Variants in ENOX1 observed in about 807,000 individuals in gnomAD.
The protein encoded by ENOX1 is candidate growth-related and time keeping constitutive hydroquinone (NADH) oxidase.
In ENOX1, 42 loss-of-function variants were observed where a neutral mutation model predicts 82.5. That is an observed-to-expected ratio of 0.51 (90% CI 0.40 to 0.66). The LOEUF (loss-of-function observed/expected upper bound fraction) is 0.66. Among genes scored for constraint, ENOX1 ranks in the 30% least tolerant of loss-of-function variants. ENOX1 has a pLI of 0.00. For synonymous variants in ENOX1, 271 were observed against 282.2 expected (o/e 0.96, Z 0.40); for missense variants, 608 against 811.6 (o/e 0.75, Z 3.05).
chr13:43,528,877 C>A (rs1307671119), intron 2 of ENOX1, among the ~76,000 whole-genome samples: 1 of 151,910 alleles, frequency 6.6e-6, no homozygotes, highest in Non-Finnish European at 1.5e-5. Flanking sequence ...AAGTGATTGA[C>A]CCACTTAATC....
At chr13:43,351,399 TTTTA>T (rs202101468) in intron 8 of ENOX1, among the ~76,000 whole-genome samples, 17 of 145,006 alleles carry the variant, frequency 1.2e-4, no homozygotes, top group African/African-American at 1.8e-4. Context: ...TTTCTTTTTA[TTTTA>T]TTTATTTATT....
intron 1 of ENOX1, among the ~76,000 whole-genome samples, chr13:43,780,307 G>C (rs1188566866): frequency 6.7e-6 from 1 of 148,964 alleles, no homozygotes; most frequent in Non-Finnish European, 1.5e-5. Context: ...GTATTGAAAG[G>C]TTCCCTGGAC....
intron 12 of ENOX1, among the ~76,000 whole-genome samples, chr13:43,295,228 C>T (rs1303482963): frequency 3.9e-5 from 6 of 152,196 alleles, no homozygotes; most frequent in Non-Finnish European, 7.3e-5. Flanking sequence ...TCAAAAGCCT[C>T]ACTATCCCTG....
chr13:43,582,244 T>C (rs1006717943), intron 2 of ENOX1, among the ~76,000 whole-genome samples: 1 of 151,864 alleles, frequency 6.6e-6, no homozygotes, highest in Non-Finnish European at 1.5e-5. Context: ...AAAATAACTT[T>C]TAAAAAAAAT....
At chr13:43,380,687 T>G (rs1400848921) in intron 5 of ENOX1, among the ~76,000 whole-genome samples, 1 of 151,388 alleles carries the variant, frequency 6.6e-6, no homozygotes, top group African/African-American at 2.4e-5. Flanking sequence ...AAGTCATAAA[T>G]AAGTTAAAAA....
At chr13:43,693,734 T>G (rs2086491621) in intron 1 of ENOX1, among the ~76,000 whole-genome samples, 1 of 152,210 alleles carries the variant, frequency 6.6e-6, no homozygotes, top group African/African-American at 2.4e-5. Flanking sequence ...GTTGCAAGTT[T>G]ATATGCATGT....
At chr13:43,369,343 A>G (rs1464853625) in intron 5 of ENOX1, among the ~76,000 whole-genome samples, 3 of 152,240 alleles carry the variant, frequency 2.0e-5, no homozygotes, top group Non-Finnish European at 4.4e-5. Flanking sequence ...GAAAGAGACC[A>G]GGAAGAAGCT....
At chr13:43,755,046 C>T (rs773214966) in intron 1 of ENOX1, among the ~76,000 whole-genome samples, 7 of 151,268 alleles carry the variant, frequency 4.6e-5, no homozygotes, top group Non-Finnish European at 1.0e-4. Flanking sequence ...TTTCTCCATC[C>T]TTCAATTCAC....
intron 2 of ENOX1, among the ~76,000 whole-genome samples, chr13:43,634,783 C>G (rs2083350579): frequency 6.6e-6 from 1 of 152,098 alleles, no homozygotes; most frequent in African/African-American, 2.4e-5. Flanking sequence ...GGTCTATCAG[C>G]CAGGTGATAT....
At chr13:43,522,040 T>C (rs1006608883) in intron 2 of ENOX1, among the ~76,000 whole-genome samples, 3 of 152,128 alleles carry the variant, frequency 2.0e-5, no homozygotes, top group Non-Finnish European at 2.9e-5. Context: ...GGAGCAGCAT[T>C]GTGGATATCA....
intron 11 of ENOX1, among the ~76,000 whole-genome samples, chr13:43,319,072 T>A (rs1258426008): frequency 6.6e-6 from 1 of 151,882 alleles, no homozygotes; most frequent in Non-Finnish European, 1.5e-5. Flanking sequence ...GAAGAACAGA[T>A]CTGGATTTTA....
intron 2 of ENOX1, among the ~76,000 whole-genome samples, chr13:43,595,686 T>C (rs888712503): frequency 1.3e-5 from 2 of 152,202 alleles, no homozygotes; most frequent in African/African-American, 4.8e-5. Flanking sequence ...ACAAGATTTA[T>C]CCTATAAAAT....
rs562604912 is a variant in ENOX1 at position 43,445,128 on chromosome 13, T to G, written c.-74-32140A>C. On this transcript the variant is annotated intron_variant, in intron 3 of 16. Coordinates refer to ENST00000690772, the MANE Select transcript of ENOX1 (RefSeq NM_001347969.2). ...AGAAATGTTTCCTTCTTTCTGGGTT[T>G]TTTTTTTTTTTTTGATACGGAGTCT... Among the ~76,000 whole-genome samples, 7 of 150,858 alleles carry G rather than the reference T, an allele frequency of 4.6e-5. No homozygotes were observed. The East Asian group carries it at 7.8e-4, about 17-fold the overall frequency.
chr13:43,296,882 G>A lies in ENOX1; in HGVS notation c.1446+1464C>T, dbSNP rs761016777. ...TAGTGGCTTTTGGGCTAGGTCTGGC[G>A]TCATGGTCTTTGGGGAAATCGACGG... On this transcript the variant is annotated intron_variant, in intron 12 of 16. Coordinates refer to ENST00000690772, the MANE Select transcript of ENOX1 (RefSeq NM_001347969.2). Among the ~76,000 whole-genome samples, 18 of 152,306 alleles carry A rather than the reference G, an allele frequency of 1.2e-4. No homozygotes were observed. In the South Asian group the frequency reaches 1.5e-3, roughly 12 times the overall value.
rs33932346 is a variant in ENOX1, at chr13:43,232,093, CTTT to C, written c.1714+4540_1714+4542del. 4.8e-4 allele frequency among the ~76,000 whole-genome samples: 53 copies of C among 109,548 alleles called. 1 individual carries two copies. The highest frequency in any genetic ancestry group is 1.8e-3 in the African/African-American group (50 of 27,596). 71.9% of individuals were successfully genotyped at this position (109,548 alleles called of 152,430 possible). On this transcript the variant is annotated intron_variant, in intron 15 of 16. Transcript: ENST00000690772. ...GGTGCATGCCACCATGCCCAGCTAA[CTTT>C]TTTTTTTTTTTTTTTTTGTAGAGAT...
At chr13:43,660,246 G>A (rs1317851220) in intron 2 of ENOX1, among the ~76,000 whole-genome samples, 2 of 152,144 alleles carry the variant, frequency 1.3e-5, no homozygotes, top group Non-Finnish European at 2.9e-5. Flanking sequence ...AAATCCCAAA[G>A]TGCTGTAACT....
At chr13:43,417,314 T>C (rs2054683535) in intron 3 of ENOX1, among the ~76,000 whole-genome samples, 1 of 151,862 alleles carries the variant, frequency 6.6e-6, no homozygotes, top group African/African-American at 2.4e-5. Flanking sequence ...GTGGCTACCA[T>C]GTGCCTGGGA....
intron 9 of ENOX1, among the ~76,000 whole-genome samples, chr13:43,338,676 GTTTTTT>G (rs71099830): frequency 2.1e-3 from 167 of 81,280 alleles, no homozygotes; most frequent in African/African-American, 8.7e-3. Context: ...TTCAGGTTGG[GTTTTTT>G]TTTTTTTTTT....
rs1448078859 is a variant in ENOX1, at chr13:43,263,133, CT to C, written c.1611+2264del. Among the ~76,000 whole-genome samples, 9 of 152,272 alleles carry C rather than the reference CT, an allele frequency of 5.9e-5. No homozygotes were observed. The East Asian group carries it at 1.7e-3, about 29-fold the overall frequency. The stretch of plus-strand genomic sequence containing the variant: ...TCTTTCACATACCCTAGTGGAGGTA[CT>C]GGGGAAACTTCCAAAAGGAGACAAA... On this transcript the variant is annotated intron_variant, in intron 14 of 16. Coordinates refer to ENST00000690772, the MANE Select transcript of ENOX1 (RefSeq NM_001347969.2).
Sources: gnomAD v4.1 joint callset for allele counts (sites outside exome capture counted in the v4.1 genomes callset) on GRCh38, gnomAD v4.1.1 for gene constraint, MANE v1.5 for transcripts, NCBI Gene and HGNC (gene_info 2026-07-23, HGNC 2026-07-21) for gene names.